P2RX1: variants seen among roughly 807,000 people sequenced by gnomAD.
P2RX1 encodes P2X purinoceptor 1.
A neutral mutation model predicts 50.3 loss-of-function variants in P2RX1; 42 were observed. The ratio of observed to expected loss-of-function variants is 0.83; its 90% CI spans 0.65 to 1.08. The LOEUF (loss-of-function observed/expected upper bound fraction) is 1.08. Among genes scored for constraint, P2RX1 ranks in the 50% least tolerant of loss-of-function variants. The probability of loss-of-function intolerance (pLI) is 0.00; values close to 1 mark genes in which losing one functional copy is unlikely to be tolerated. For missense variants in P2RX1, 449 were observed against 529.0 expected (o/e 0.85, Z 1.48); for synonymous variants, 199 against 202.6 (o/e 0.98, Z 0.15).
chr17:3,906,825 T>C (rs1373731505), intron 1 of P2RX1, among the ~76,000 whole-genome samples: 2 of 152,072 alleles, frequency 1.3e-5, no homozygotes, highest in Non-Finnish European at 2.9e-5. Flanking sequence ...CAATGTTCCA[T>C]CCCCCTAGTA....
intron 1 of P2RX1, among the ~76,000 whole-genome samples, chr17:3,913,739 G>C (rs2056402674): frequency 6.6e-6 from 1 of 152,166 alleles, no homozygotes; most frequent in South Asian, 2.1e-4. Flanking sequence ...CCTGTGTCTG[G>C]GACACGGGGG....
In P2RX1 at chr17:3,898,845, C is replaced by G. The variant is rs1480338522; in HGVS notation, c.966+89G>C. The G allele has an allele frequency of 1.1e-5, 12 of 1,071,576 alleles. No homozygotes were observed. In the Admixed American group the frequency reaches 1.5e-4, roughly 14 times the overall value. The allele number at this position is 1,071,576 out of a possible 1,614,324, so 66.4% of individuals were successfully genotyped here. A position where few individuals can be genotyped will look rare whatever the true frequency, so the allele number is the denominator to read the frequency against. Reference sequence around the variant, plus strand: ...ACTGCTGGATGAACCCACCCAACTTCCGGTTGTCTATAACTGTAGATGCCC... The same window carrying G: ...ACTGCTGGATGAACCCACCCAACTTGCGGTTGTCTATAACTGTAGATGCCC... On this transcript the variant is annotated intron_variant, in intron 9 of 11. Transcript: ENST00000225538.
chr17:3,901,281 A>G (rs376310833), intron 7 of P2RX1, among the ~76,000 whole-genome samples: 1 of 152,170 alleles, frequency 6.6e-6, no homozygotes, highest in East Asian at 1.9e-4. Flanking sequence ...GTTAGCCAGG[A>G]TGGTCTCGAT....
rs555546681 is a variant in P2RX1 at position 3,900,268 on chromosome 17, C to T, written c.748-507G>A. 5.9e-5 allele frequency among the ~76,000 whole-genome samples: 9 copies of T among 152,076 alleles called. No individual in the cohort carries two copies. The South Asian group carries it at 1.5e-3, about 25-fold the overall frequency. On this transcript the variant is annotated intron_variant, in intron 7 of 11. Coordinates refer to ENST00000225538, the MANE Select transcript of P2RX1 (RefSeq NM_002558.4). ...AGGAGTTCGAGACCAGCCAGACCAA[C>T]GCAATGAAACCCCGTCTCTACTAAA... is the stretch of plus-strand genomic sequence containing the variant.
intron 7 of P2RX1, among the ~76,000 whole-genome samples, chr17:3,900,900 A>T (rs73322990): frequency 1.0e-3 from 154 of 152,288 alleles, no homozygotes; most frequent in African/African-American, 3.7e-3. Flanking sequence ...GGAAGAAAAC[A>T]TTGGAGAAAG....
At chr17:3,913,078 C>T (rs960231916) in intron 1 of P2RX1, among the ~76,000 whole-genome samples, 1 of 151,982 alleles carries the variant, frequency 6.6e-6, no homozygotes, top group Admixed American at 6.6e-5. Context: ...GCCTGTACAC[C>T]ACCAGGGACA....
At chr17:3,900,597 GTTTA>G (rs1477114752) in intron 7 of P2RX1, among the ~76,000 whole-genome samples, 1 of 152,036 alleles carries the variant, frequency 6.6e-6, no homozygotes, top group Non-Finnish European at 1.5e-5. Flanking sequence ...ACCATTTCTT[GTTTA>G]TTTATTTATT....
At position 3,903,410 on chromosome 17, in the gene P2RX1, G is replaced by C; in HGVS notation, c.606-67C>G. ...GGGAGGGTGCCCACCACGCCCCAAAGCCTGGGGACCCCTCACAGGCTCCAC... is the reference window on the plus strand; with the variant it reads ...GGGAGGGTGCCCACCACGCCCCAAACCCTGGGGACCCCTCACAGGCTCCAC... On this transcript the variant is annotated intron_variant, in intron 6 of 11. Transcript: ENST00000225538. This position sits in a 1 kb window ranked among gnomAD's most constrained non-coding sequence, Gnocchi z 4.6. 3.1e-6 allele frequency: 5 copies of C among 1,607,296 alleles called. 1 individual carries two copies. In the South Asian group the frequency reaches 4.4e-5, roughly 14 times the overall value.
intron 7 of P2RX1, among the ~76,000 whole-genome samples, chr17:3,900,140 C>T (rs1241324266): frequency 1.3e-5 from 2 of 150,400 alleles, no homozygotes; most frequent in Admixed American, 6.7e-5. Flanking sequence ...ACAGCTGGTA[C>T]ACGCACTCTC....
In P2RX1 at chr17:3,903,678, T is replaced by G. The variant is rs1251094460; in HGVS notation, c.525-47A>C. On this transcript the variant is annotated intron_variant, in intron 5 of 11. Transcript: ENST00000225538. The surrounding 1 kb of genome is among the most constrained non-coding windows in gnomAD (Gnocchi z 4.6). Reference sequence around the variant, plus strand: ...CACCGCCCCTCCCCAGGAGGCCCCCTGTGTGTCCCACACAGAGCTTGGCAC... The same window carrying G: ...CACCGCCCCTCCCCAGGAGGCCCCCGGTGTGTCCCACACAGAGCTTGGCAC... 6 of 1,583,780 alleles carry G rather than the reference T, an allele frequency of 3.8e-6. No individual in the cohort carries two copies. The highest frequency in any genetic ancestry group is 5.2e-6 in the Non-Finnish European group (6 of 1,153,576).
rs2056056686 is a variant in P2RX1 at position 3,897,750 on chromosome 17, G to A, written c.*64C>T. 2.0e-6 allele frequency: 3 copies of A among 1,498,874 alleles called. No individual in the cohort carries two copies. The highest frequency in any genetic ancestry group is 2.8e-6 in the Non-Finnish European group (3 of 1,085,086). The allele number at this position is 1,498,874 out of a possible 1,614,324, so 92.8% of individuals were successfully genotyped here. ...TGGGGAGGCCCCTCTGCCCTGGCTG[G>A]GACCCACCAGGGCTCCAGGCTGAAG... On this transcript the variant is annotated 3_prime_UTR_variant, in exon 12 of 12. Coordinates refer to ENST00000225538, the MANE Select transcript of P2RX1 (RefSeq NM_002558.4).
chr17:3,901,916 C>G (rs115121163), intron 7 of P2RX1, among the ~76,000 whole-genome samples: 1 of 152,030 alleles, frequency 6.6e-6, no homozygotes, highest in East Asian at 1.9e-4. Flanking sequence ...TGCCCCCCGT[C>G]GGTGGGTCCA....
intron 4 of P2RX1, 96 bp downstream of exon 4, chr17:3,904,234 G>C: frequency 1.6e-6 from 2 of 1,257,932 alleles, no homozygotes; most frequent in Non-Finnish European, 2.3e-6. Context: ...GGCGGGAGGG[G>C]TGTGGAGAGA....
chr17:3,904,792 G>T, intron 3 of P2RX1, 66 bp downstream of exon 3: 1 of 1,285,368 alleles, frequency 7.8e-7, no homozygotes, highest in Admixed American at 2.0e-5. Flanking sequence ...TGCCCCTGGA[G>T]ACTTTCTCTG....
intron 1 of P2RX1, among the ~76,000 whole-genome samples, chr17:3,911,074 C>A (rs973623443): frequency 6.6e-6 from 1 of 152,108 alleles, no homozygotes; most frequent in African/African-American, 2.4e-5. Flanking sequence ...CCTCAACTTT[C>A]CAGGCTCAGG....
At chr17:3,910,739 T>G (rs1316806898) in intron 1 of P2RX1, among the ~76,000 whole-genome samples, 1 of 152,164 alleles carries the variant, frequency 6.6e-6, no homozygotes, top group East Asian at 1.9e-4. Context: ...TGGGAGGGAA[T>G]GTGCTCAGAA....
chr17:3,903,592 G>T lies in P2RX1; in HGVS notation c.564C>A (p.Phe188Leu). ...GTGGAAAGCTGATGCTGTTCTTGATGAAAAGAGTGAAGTTCTCGGCCTCTC... is the reference window on the plus strand; with the variant it reads ...GTGGAAAGCTGATGCTGTTCTTGATTAAAAGAGTGAAGTTCTCGGCCTCTC... ...LLREAENFTLFIKNSISFPRF... is the reference protein window; with the variant it reads ...LLREAENFTLLIKNSISFPRF... The change falls in exon 6 of 12, where the codon TTC (phenylalanine) becomes TTA (leucine). Residue 188 changes from phenylalanine to leucine, a missense_variant. Coordinates refer to ENST00000225538, the MANE Select transcript of P2RX1 (RefSeq NM_002558.4). The surrounding 1 kb of genome is among the most constrained non-coding windows in gnomAD (Gnocchi z 4.6). The T allele has an allele frequency of 6.2e-7, 1 of 1,614,200 alleles. No individual in the cohort carries two copies. The highest frequency in any genetic ancestry group is 8.5e-7 in the Non-Finnish European group (1 of 1,180,038).
At chr17:3,898,396 T>G in intron 10 of P2RX1, 88 bp downstream of exon 10, 1 of 1,066,168 alleles carries the variant, frequency 9.4e-7, no homozygotes, top group Non-Finnish European at 1.4e-6. Flanking sequence ...AGGGTCAAGT[T>G]TTAGGGTGAG....
chr17:3,905,451 T>G, intron 1 of P2RX1, 84 bp from the exon 2 acceptor site: 1 of 1,499,342 alleles, frequency 6.7e-7, no homozygotes, highest in Non-Finnish European at 9.2e-7. Context: ...TCCCCAGATG[T>G]GCCTCTGAGC....
Sources: gnomAD v4.1 joint callset for allele counts (sites outside exome capture counted in the v4.1 genomes callset) on GRCh38, gnomAD v4.1.1 for gene constraint, Gnocchi (gnomAD v3.1) non-coding constraint, MANE v1.5 for transcripts, NCBI Gene and HGNC (gene_info 2026-07-23, HGNC 2026-07-21) for gene names.